Variants in MYLK4 observed in about 807,000 individuals in gnomAD.
The protein encoded by MYLK4 is caMLCK like.
A neutral mutation model predicts 48.1 loss-of-function variants in MYLK4; 46 were observed. That is an observed-to-expected ratio of 0.96 (90% CI 0.75 to 1.22). The LOEUF (loss-of-function observed/expected upper bound fraction) is 1.22, where lower values mean the gene tolerates loss of function less well. Among genes scored for constraint, MYLK4 ranks in the 50% most tolerant of loss-of-function variants. MYLK4 has a pLI of 0.00. For synonymous variants in MYLK4, 170 were observed against 180.8 expected (o/e 0.94, Z 0.48); for missense variants, 451 against 486.1 (o/e 0.93, Z 0.68).
At chr6:2,716,755 C>T (rs1022300557) in intron 2 of MYLK4, among the ~76,000 whole-genome samples, 8 of 152,218 alleles carry the variant, frequency 5.3e-5, no homozygotes, top group Non-Finnish European at 8.8e-5. Context: ...ACAAGCTATA[C>T]CTTTCTGTAC....
chr6:2,764,746 A>G, the MYLK4 span, among the ~76,000 whole-genome samples: 24 of 152,026 alleles, frequency 1.6e-4, 1 homozygote, highest in Non-Finnish European at 4.4e-5. Flanking sequence ...GGCCCGCGAG[A>G]AGCATCTCTT....
At chr6:2,724,009 T>A (rs988451560) in intron 2 of MYLK4, among the ~76,000 whole-genome samples, 1 of 152,058 alleles carries the variant, frequency 6.6e-6, no homozygotes, top group Non-Finnish European at 1.5e-5. Context: ...CCCAAGTAAC[T>A]GGGATTACAG....
the MYLK4 span, among the ~76,000 whole-genome samples, chr6:2,764,790 A>C: frequency 5.9e-5 from 9 of 152,266 alleles, no homozygotes; most frequent in Non-Finnish European, 1.2e-4. Flanking sequence ...ACCGCCCTTG[A>C]CTTAAACGCC....
At chr6:2,677,382 T>C (rs1056504071) in intron 10 of MYLK4, among the ~76,000 whole-genome samples, 1 of 152,134 alleles carries the variant, frequency 6.6e-6, no homozygotes, top group African/African-American at 2.4e-5. Flanking sequence ...TCCACAGCCA[T>C]GTGTATTAGT....
chr6:2,696,987 A>G (rs945223407), intron 2 of MYLK4, among the ~76,000 whole-genome samples: 2 of 152,200 alleles, frequency 1.3e-5, no homozygotes, highest in African/African-American at 4.8e-5. Context: ...TGAACCCTGG[A>G]GGCGGAGGTT....
At chr6:2,765,188 CCCCCCGCCCCTCCCCCG>C in the MYLK4 span, among the ~76,000 whole-genome samples, 25 of 104,044 alleles carry the variant, frequency 2.4e-4, 1 homozygote, top group African/African-American at 6.7e-4. Context: ...CGCAACCCCC[CCCCCCGCCCCTCCCCCG>C]CCCCCGCAAA....
chr6:2,703,863 G>T (rs113139778), intron 2 of MYLK4, among the ~76,000 whole-genome samples: 14,825 of 151,992 alleles, frequency 0.098, 783 homozygotes, highest in Non-Finnish European at 0.11. Context: ...TAGCGATGGG[G>T]TTTCACCATG....
At chr6:2,752,510 T>TAGAC (rs1197965944), upstream of MYLK4, among the ~76,000 whole-genome samples, 1 of 152,068 alleles carries the variant, frequency 6.6e-6, no homozygotes, top group African/African-American at 2.4e-5. Context: ...AGAAAGATGG[T>TAGAC]AGACACCTTT....
At chr6:2,743,079 A>G (rs1228297919) in intron 2 of MYLK4, among the ~76,000 whole-genome samples, 1 of 152,176 alleles carries the variant, frequency 6.6e-6, no homozygotes, top group Non-Finnish European at 1.5e-5. Flanking sequence ...ACAGCTATGC[A>G]GTATACATGT....
chr6:2,722,855 T>C (rs1169250236), intron 2 of MYLK4, among the ~76,000 whole-genome samples: 2 of 152,204 alleles, frequency 1.3e-5, no homozygotes, highest in African/African-American at 2.4e-5. Flanking sequence ...AAAAATATTT[T>C]ATACATCCTA....
At chr6:2,692,966 A>G in intron 2 of MYLK4, 107 bp from the exon 3 acceptor site, 1 of 1,021,888 alleles carries the variant, frequency 9.8e-7, no homozygotes, top group South Asian at 1.5e-5. Flanking sequence ...GGGGAATGTC[A>G]CGAGCATTAC....
At chr6:2,697,518 T>C (rs1461570441) in intron 2 of MYLK4, among the ~76,000 whole-genome samples, 1 of 152,252 alleles carries the variant, frequency 6.6e-6, no homozygotes, top group East Asian at 1.9e-4. Flanking sequence ...TACCTGGGCA[T>C]GAGTGCGCTC....
intron 2 of MYLK4, among the ~76,000 whole-genome samples, chr6:2,694,950 A>G (rs1762007984): frequency 1.3e-5 from 2 of 152,134 alleles, no homozygotes; most frequent in Admixed American, 6.5e-5. Context: ...CATGATTCCT[A>G]TTTATTGAGA....
Position 2,673,282 on chromosome 6 carries a change from G to C in MYLK4, c.1119+1765C>G, listed in dbSNP as rs1760971788. 6.6e-6 allele frequency among the ~76,000 whole-genome samples: 1 copy of C among 152,164 alleles called. No individual in the cohort carries two copies. Among genetic ancestry groups the C allele is most frequent in the Admixed American group, 6.5e-5 (1 of 15,274 alleles). ...CCTAATAAGCAGTTTATGTAGTCTGGGTGAGGTACCCACTAGGTAATAAGT... is the reference window on the plus strand; with the variant it reads ...CCTAATAAGCAGTTTATGTAGTCTGCGTGAGGTACCCACTAGGTAATAAGT... On this transcript the variant is annotated intron_variant, in intron 11 of 12. Coordinates refer to ENST00000274643, the MANE Select transcript of MYLK4 (RefSeq NM_001012418.5). This position sits in a 1 kb window ranked among gnomAD's most constrained non-coding sequence, Gnocchi z 4.2.
chr6:2,710,759 C>G (rs1398229808), intron 2 of MYLK4, among the ~76,000 whole-genome samples: 1 of 152,188 alleles, frequency 6.6e-6, no homozygotes, highest in Non-Finnish European at 1.5e-5. Context: ...GACCAAACCC[C>G]TGGTGTTCCA....
At chr6:2,734,168 C>G (rs943564188) in intron 2 of MYLK4, among the ~76,000 whole-genome samples, 1 of 152,198 alleles carries the variant, frequency 6.6e-6, no homozygotes, top group Non-Finnish European at 1.5e-5. Flanking sequence ...CCCTTGCTAG[C>G]GGGCACCTGC....
Position 2,727,488 on chromosome 6 carries a change from C to G in MYLK4, c.159+21648G>C, listed in dbSNP as rs542210675. 3.3e-5 allele frequency among the ~76,000 whole-genome samples: 5 copies of G among 152,258 alleles called. No individual in the cohort carries two copies. The East Asian group carries it at 9.7e-4, about 29-fold the overall frequency. On this transcript the variant is annotated intron_variant, in intron 2 of 12. Transcript: ENST00000274643. ...ATGCACAAGTGAGTGGGAACCCCCCCAAAGACAGCCGCTCTTCATAGAAAA... is the reference window on the plus strand; with the variant it reads ...ATGCACAAGTGAGTGGGAACCCCCCGAAAGACAGCCGCTCTTCATAGAAAA...
intron 2 of MYLK4, among the ~76,000 whole-genome samples, chr6:2,748,728 T>C (rs1764184860): frequency 6.6e-6 from 1 of 152,252 alleles, no homozygotes; most frequent in African/African-American, 2.4e-5. Flanking sequence ...TTCTCTGGAC[T>C]TCACTATCAA....
chr6:2,745,340 T>C (rs1354979709), intron 2 of MYLK4, among the ~76,000 whole-genome samples: 1 of 152,030 alleles, frequency 6.6e-6, no homozygotes, highest in East Asian at 1.9e-4. Flanking sequence ...TGTACAAAAA[T>C]AATACTAATT....
Sources: allele counts gnomAD v4.1 joint callset (sites outside exome capture counted in the v4.1 genomes callset), GRCh38; gene constraint gnomAD v4.1.1; non-coding constraint Gnocchi (gnomAD v3.1); transcripts MANE v1.5; gene names NCBI Gene and HGNC (gene_info 2026-07-23, HGNC 2026-07-21).